Variants in EML5 observed in about 807,000 individuals in gnomAD.
EML5 encodes echinoderm microtubule-associated protein-like 5.
A neutral mutation model predicts 250.0 loss-of-function variants in EML5; 120 were observed. The observed-to-expected ratio is 0.48, with a 90% confidence interval of 0.41 to 0.56. EML5 has a LOEUF of 0.56. Ranked by LOEUF, EML5 falls within the 20% of genes least tolerant of loss-of-function variation. EML5 has a pLI of 0.00. For synonymous variants in EML5, 771 were observed against 806.5 expected, an observed-to-expected ratio of 0.96 and a Z score of 0.75; for missense variants, 2,006 against 2,437.6, an observed-to-expected ratio of 0.82 and a Z score of 3.73.
At chr14:88,743,985 C>T in intron 4 of EML5, 38 bp downstream of exon 4, 2 of 1,413,472 alleles carry the variant, frequency 1.4e-6, no homozygotes, top group Non-Finnish European at 1.9e-6. Context: ...CAGCAGAGAA[C>T]TAAACGTGAC....
intron 15 of EML5, 67 bp downstream of exon 15, chr14:88,696,778 CTT>C (rs745343375): frequency 2.4e-5 from 26 of 1,097,938 alleles, no homozygotes; most frequent in Non-Finnish European, 3.2e-5. Flanking sequence ...GTAACACTGA[CTT>C]AGATTAAAAT....
Position 88,631,859 on chromosome 14 carries a change from A to G in EML5, c.4357+2610T>C, listed in dbSNP as rs1357039095. The stretch of plus-strand genomic sequence containing the variant: ...GCCCAGCTCATATCTCTTCTAATGT[A>G]TTTATTCTCCCACATTGCAAAGTGA... On this transcript the variant is annotated intron_variant, in intron 33 of 43. Transcript: ENST00000554922. 2.6e-5 allele frequency among the ~76,000 whole-genome samples: 4 copies of G among 152,114 alleles called. No individual in the cohort carries two copies. In the East Asian group the frequency reaches 7.7e-4, roughly 29 times the overall value.
At chr14:88,650,471 CA>C (rs1595371465) in intron 27 of EML5, among the ~76,000 whole-genome samples, 1 of 151,372 alleles carries the variant, frequency 6.6e-6, no homozygotes, top group South Asian at 2.1e-4. Context: ...CAAAACAAAA[CA>C]AAAAAATAAA....
At chr14:88,731,273 A>G (rs1170462326) in intron 7 of EML5, among the ~76,000 whole-genome samples, 4 of 133,876 alleles carry the variant, frequency 3.0e-5, no homozygotes, top group Non-Finnish European at 6.2e-5. Flanking sequence ...CCTGTGTCCA[A>G]GTGTTCTCAT....
intron 21 of EML5, among the ~76,000 whole-genome samples, chr14:88,668,777 A>C (rs1167678015): frequency 6.6e-6 from 1 of 152,200 alleles, no homozygotes; most frequent in Non-Finnish European, 1.5e-5. Context: ...AGTATCCTTT[A>C]AAATTCATAG....
At chr14:88,707,571 G>C (rs1186135803) in intron 10 of EML5, among the ~76,000 whole-genome samples, 1 of 152,008 alleles carries the variant, frequency 6.6e-6, no homozygotes, top group Non-Finnish European at 1.5e-5. Flanking sequence ...AGTTATAGAA[G>C]ACTTGTATAT....
chr14:88,625,801 ATGTAAG>A (rs2089855588), intron 35 of EML5: 1 of 152,272 alleles, frequency 6.6e-6, no homozygotes, highest in South Asian at 2.1e-4. Context: ...TTTCTCAAAA[ATGTAAG>A]TGTACTTAAA....
intron 14 of EML5, among the ~76,000 whole-genome samples, chr14:88,699,961 C>A (rs1351865861): frequency 6.6e-6 from 1 of 152,090 alleles, no homozygotes; most frequent in Non-Finnish European, 1.5e-5. Context: ...TATATATACA[C>A]ACACACATAT....
At chr14:88,689,706 C>G (rs1566639345) in intron 17 of EML5, among the ~76,000 whole-genome samples, 1 of 151,990 alleles carries the variant, frequency 6.6e-6, no homozygotes, top group Non-Finnish European at 1.5e-5. Flanking sequence ...TACGCTCCAG[C>G]CTGCGTGACA....
intron 33 of EML5, among the ~76,000 whole-genome samples, chr14:88,629,413 G>A (rs539728426): frequency 5.3e-5 from 8 of 152,176 alleles, no homozygotes; most frequent in South Asian, 2.1e-4. Context: ...GTATAGGTAC[G>A]TAAGGTAATG....
rs760956231 is a variant in EML5, at chr14:88,620,765, G to T, written c.5364C>A (p.Ile1788=). The T allele has an allele frequency of 1.3e-5, 21 of 1,592,990 alleles. No individual in the cohort carries two copies. The South Asian group carries it at 2.4e-4, about 18-fold the overall frequency. Residue 1788 remains isoleucine, a synonymous_variant, in exon 39 of 44, where the codon ATC becomes ATA. Coordinates refer to ENST00000554922, the MANE Select transcript of EML5 (RefSeq NM_183387.3). The surrounding 1 kb of genome is among the most constrained non-coding windows in gnomAD (Gnocchi z 4.3). ...ATTTGTTCACTAACCTGATATCATG[G>T]ATTGCACATCTCCTGTCTCTCTTCT... The part of the protein sequence containing the change: ...WGKKRDRRCA[I]HDIRFSPDSR...
chr14:88,622,036 T>TC, intron 37 of EML5: 1 of 314,518 alleles, frequency 3.2e-6, no homozygotes, highest in Non-Finnish European at 6.5e-6. Flanking sequence ...CCCCTCCCCC[T>TC]CCCCCTTGTC....
chr14:88,642,302 T>C (rs562367900), intron 31 of EML5, among the ~76,000 whole-genome samples: 5 of 152,350 alleles, frequency 3.3e-5, no homozygotes, highest in Admixed American at 2.0e-4. Context: ...GTTCATGAAA[T>C]GATGCTAACA....
chr14:88,659,949 A>C (rs1301383781), intron 25 of EML5, among the ~76,000 whole-genome samples: 1 of 152,196 alleles, frequency 6.6e-6, no homozygotes, highest in African/African-American at 2.4e-5. Flanking sequence ...TGTTGGTGCC[A>C]GAGTATAATA....
chr14:88,665,729 G>A (rs2092288710), intron 21 of EML5, among the ~76,000 whole-genome samples: 1 of 152,078 alleles, frequency 6.6e-6, no homozygotes, highest in Admixed American at 6.6e-5. Flanking sequence ...GAGAGAAGAG[G>A]GAAGGGAAGA....
In EML5 at chr14:88,643,009, T is replaced by C. The variant is rs1456794957; in HGVS notation, c.4121A>G (p.Glu1374Gly). Residue 1374 changes from glutamate to glycine, a missense_variant, in exon 31 of 44, where the codon GAG (glutamate) becomes GGG (glycine). Coordinates refer to ENST00000554922, the MANE Select transcript of EML5 (RefSeq NM_183387.3). Reference sequence around the variant, plus strand: ...TCTGCCTCGATAACCAAAAATGAGCTCCAACACAAGGTCCTATAATGATAA... The same window carrying C: ...TCTGCCTCGATAACCAAAAATGAGCCCCAACACAAGGTCCTATAATGATAA... ...KKRPIEDLVL[E>G]LIFGYRGRDC... 1 of 1,591,784 alleles carries C rather than the reference T, an allele frequency of 6.3e-7. No individual in the cohort carries two copies. Among genetic ancestry groups the C allele is most frequent in the Non-Finnish European group, 8.5e-7 (1 of 1,174,036 alleles).
chr14:88,718,160 G>A (rs900752695), intron 8 of EML5, among the ~76,000 whole-genome samples: 6 of 152,150 alleles, frequency 3.9e-5, no homozygotes, highest in African/African-American at 1.4e-4. Flanking sequence ...CAGTTTGGGA[G>A]GGATATCATG....
At chr14:88,663,004 A>T in intron 24 of EML5, 27 bp downstream of exon 24, 1 of 1,516,922 alleles carries the variant, frequency 6.6e-7, no homozygotes, top group Non-Finnish European at 8.9e-7. Context: ...CACATGAACA[A>T]CACTGCAAGC....
chr14:88,745,328 C>T (rs2093989848), intron 3 of EML5, among the ~76,000 whole-genome samples: 1 of 152,000 alleles, frequency 6.6e-6, no homozygotes, highest in South Asian at 2.1e-4. Flanking sequence ...TGCCTCTGTG[C>T]TGGTTCAGGT....
Sources: gnomAD v4.1 joint callset for allele counts (sites outside exome capture counted in the v4.1 genomes callset) on GRCh38, gnomAD v4.1.1 for gene constraint, Gnocchi (gnomAD v3.1) non-coding constraint, MANE v1.5 for transcripts, NCBI Gene and HGNC (gene_info 2026-07-23, HGNC 2026-07-21) for gene names.